LPAR1: variants seen among roughly 807,000 people sequenced by gnomAD.
LPAR1 encodes lysophosphatidic acid receptor 1.
In LPAR1, 5 loss-of-function variants were observed where a neutral mutation model predicts 23.8. The ratio of observed to expected loss-of-function variants is 0.21; its 90% CI spans 0.11 to 0.44. LPAR1 has a LOEUF of 0.44. LPAR1 is among the 20% of genes least tolerant of loss of function. The pLI, the probability that LPAR1 is intolerant of heterozygous loss-of-function variation, is 0.99. For missense variants in LPAR1, 311 were observed against 482.8 expected, an observed-to-expected ratio of 0.64 and a Z score of 3.33; for synonymous variants, 160 against 164.7, an observed-to-expected ratio of 0.97 and a Z score of 0.22.
At chr9:110,947,848 G>A (rs1332960985) in intron 4 of LPAR1, among the ~76,000 whole-genome samples, 1 of 152,214 alleles carries the variant, frequency 6.6e-6, no homozygotes, top group Admixed American at 6.5e-5. Context: ...AGATATGAAT[G>A]TAAATATGTA....
At chr9:110,881,115 A>C (rs910376477) in intron 5 of LPAR1, among the ~76,000 whole-genome samples, 1 of 152,210 alleles carries the variant, frequency 6.6e-6, no homozygotes, top group Non-Finnish European at 1.5e-5. Context: ...TATTGAAACT[A>C]TATAATTTAC....
chr9:110,893,805 T>C (rs1331631442), intron 5 of LPAR1, among the ~76,000 whole-genome samples: 1 of 152,190 alleles, frequency 6.6e-6, no homozygotes, highest in Non-Finnish European at 1.5e-5. Context: ...GTCTGTTTCA[T>C]GCACATAATC....
At chr9:110,975,548 C>T (rs1387750918) in intron 2 of LPAR1, among the ~76,000 whole-genome samples, 1 of 152,168 alleles carries the variant, frequency 6.6e-6, no homozygotes, top group Non-Finnish European at 1.5e-5. Context: ...GATTCATACT[C>T]TTTCCATAGG....
intron 5 of LPAR1, among the ~76,000 whole-genome samples, chr9:110,888,157 TA>T (rs1370537020): frequency 1.3e-5 from 2 of 152,202 alleles, no homozygotes; most frequent in Non-Finnish European, 2.9e-5. Context: ...ACATCTTATT[TA>T]AAAATATAAA....
intron 5 of LPAR1, among the ~76,000 whole-genome samples, chr9:110,885,652 GCAAT>G (rs1347815272): frequency 7.9e-5 from 12 of 152,142 alleles, no homozygotes; most frequent in Admixed American, 7.9e-4. Flanking sequence ...TAATTTACTC[GCAAT>G]CAAACAATAC....
At chr9:110,958,017 T>C (rs540660809) in intron 4 of LPAR1, among the ~76,000 whole-genome samples, 1 of 152,100 alleles carries the variant, frequency 6.6e-6, no homozygotes, top group Non-Finnish European at 1.5e-5. Context: ...TAGGACCAAA[T>C]TTATGCAAGG....
intron 2 of LPAR1, among the ~76,000 whole-genome samples, chr9:110,993,131 T>C (rs571533040): frequency 1.3e-5 from 2 of 152,306 alleles, no homozygotes; most frequent in African/African-American, 4.8e-5. Flanking sequence ...CAAACTAATT[T>C]TTTTTTAATA....
At chr9:111,030,951 C>T (rs951655789) in intron 2 of LPAR1, among the ~76,000 whole-genome samples, 1 of 152,124 alleles carries the variant, frequency 6.6e-6, no homozygotes, top group African/African-American at 2.4e-5. Context: ...AACATATCCA[C>T]ACTTATCCCA....
At chr9:111,001,560 C>A (rs1311259190) in intron 2 of LPAR1, among the ~76,000 whole-genome samples, 1 of 152,084 alleles carries the variant, frequency 6.6e-6, no homozygotes. Flanking sequence ...ATCAGACACC[C>A]CAACTTCATA....
intron 5 of LPAR1, among the ~76,000 whole-genome samples, chr9:110,919,516 C>T (rs1438917905): frequency 6.6e-6 from 1 of 152,110 alleles, no homozygotes; most frequent in African/African-American, 2.4e-5. Flanking sequence ...AAGTCTGTGA[C>T]AATTTGCGAT....
At chr9:110,987,488 C>T (rs2096807547) in intron 2 of LPAR1, among the ~76,000 whole-genome samples, 1 of 151,632 alleles carries the variant, frequency 6.6e-6, no homozygotes, top group South Asian at 2.1e-4. Context: ...CTTCAGTCTC[C>T]AAATTTGGGG....
intron 4 of LPAR1, chr9:110,945,525 C>T (rs200348419): frequency 6.6e-6 from 1 of 152,146 alleles, no homozygotes; most frequent in African/African-American, 2.4e-5. Context: ...GAAAATAGAA[C>T]AAGCCATTAT....
At chr9:110,900,400 C>G (rs745878001) in intron 5 of LPAR1, among the ~76,000 whole-genome samples, 1 of 152,082 alleles carries the variant, frequency 6.6e-6, no homozygotes, top group Non-Finnish European at 1.5e-5. Context: ...CTTTAGTGGT[C>G]CGTATTTCTC....
chr9:110,923,987 C>T (rs939797323), intron 5 of LPAR1, among the ~76,000 whole-genome samples: 1 of 151,970 alleles, frequency 6.6e-6, no homozygotes, highest in Non-Finnish European at 1.5e-5. Context: ...TTTCTAAATC[C>T]TTAAAAAGTT....
intron 5 of LPAR1, among the ~76,000 whole-genome samples, chr9:110,898,650 C>T (rs563477248): frequency 1.3e-5 from 2 of 152,314 alleles, no homozygotes; most frequent in South Asian, 4.1e-4. Flanking sequence ...GTCCTTTCCA[C>T]AAAACATGCA....
chr9:110,922,141 C>G (rs2093672502), intron 5 of LPAR1, among the ~76,000 whole-genome samples: 1 of 152,100 alleles, frequency 6.6e-6, no homozygotes. Context: ...TGAAGTAAAG[C>G]CAGAAACCAG....
intron 5 of LPAR1, among the ~76,000 whole-genome samples, chr9:110,895,453 G>A (rs1195711195): frequency 2.6e-5 from 4 of 152,226 alleles, no homozygotes; most frequent in Admixed American, 1.3e-4. Flanking sequence ...CCCTAGTCAG[G>A]GCCTAAGGCA....
chr9:110,895,961 G>C (rs1265448602), intron 5 of LPAR1, among the ~76,000 whole-genome samples: 1 of 152,134 alleles, frequency 6.6e-6, no homozygotes, highest in African/African-American at 2.4e-5. Flanking sequence ...CATCCATTTC[G>C]TATTCATTTC....
intron 2 of LPAR1, among the ~76,000 whole-genome samples, chr9:111,022,504 A>AG (rs2097578005): frequency 6.6e-6 from 1 of 152,172 alleles, no homozygotes. Context: ...GGTAAAAAAA[A>AG]CAAAAATCCT....
Sources: allele counts gnomAD v4.1 joint callset (sites outside exome capture counted in the v4.1 genomes callset), GRCh38; gene constraint gnomAD v4.1.1; transcripts MANE v1.5; gene names NCBI Gene and HGNC (gene_info 2026-07-23, HGNC 2026-07-21).